The following EPHA5 variants were observed in gnomAD, a reference collection of about 807,000 sequenced individuals.
EPHA5 encodes the protein ephrin type-A receptor 5.
A neutral mutation model predicts 105.0 loss-of-function variants in EPHA5; 60 were observed. That is an observed-to-expected ratio of 0.57 (90% CI 0.46 to 0.71). EPHA5 has a LOEUF of 0.71. Among genes scored for constraint, EPHA5 ranks in the 30% least tolerant of loss-of-function variants. The pLI is 0.00. For missense variants in EPHA5, 1,218 were observed against 1,274.7 expected, an observed-to-expected ratio of 0.96 and a Z score of 0.68; for synonymous variants, 513 against 449.1, an observed-to-expected ratio of 1.14 and a Z score of -1.80.
intron 5 of EPHA5, among the ~76,000 whole-genome samples, chr4:65,448,953 C>T (rs73222124): frequency 0.16 from 23,595 of 152,002 alleles, 1,980 homozygotes; most frequent in East Asian, 0.19. Flanking sequence ...ATGACCATAT[C>T]TTTATATCAC....
rs1205102695 is a variant in EPHA5 at position 65,322,635 on chromosome 4, G to A, written c.*1479C>T. 8.9e-6 allele frequency: 2 copies of A among 224,834 alleles called. No homozygotes were observed. Among genetic ancestry groups the A allele is most frequent in the East Asian group, 6.4e-5 (1 of 15,652 alleles). 13.9% of individuals were successfully genotyped at this position (224,834 alleles called of 1,614,324 possible). A position where few individuals can be genotyped will look rare whatever the true frequency, so the allele number is the denominator to read the frequency against. On this transcript the variant is annotated 3_prime_UTR_variant, in exon 17 of 17. Transcript: ENST00000613740. ...GTCTTCATCATGTGTGGTATATAGA[G>A]CATACATAGAAGATATGTTATATTC...
intron 5 of EPHA5, among the ~76,000 whole-genome samples, chr4:65,446,975 A>ATTTTTTTTTTTTT (rs397993760): frequency 6.2e-5 from 7 of 112,914 alleles, no homozygotes; most frequent in Non-Finnish European, 1.1e-4. Context: ...TTAAAAGCTC[A>ATTTTTTTTTTTTT]TTTTTTTTTT....
At chr4:65,546,528 G>C (rs4860685) in intron 3 of EPHA5, among the ~76,000 whole-genome samples, 132,740 of 152,058 alleles carry the variant, frequency 0.87, 58,066 homozygotes, top group Admixed American at 0.9. Context: ...TTCTCAAATA[G>C]TTTTCTCTGT....
At chr4:65,523,095 A>G (rs1037002411) in intron 3 of EPHA5, among the ~76,000 whole-genome samples, 7 of 151,928 alleles carry the variant, frequency 4.6e-5, no homozygotes, top group African/African-American at 1.4e-4. Flanking sequence ...GTCACACAGC[A>G]CTGGTGGTTA....
At chr4:65,537,955 C>T (rs2149315456) in intron 3 of EPHA5, among the ~76,000 whole-genome samples, 1 of 151,850 alleles carries the variant, frequency 6.6e-6, no homozygotes, top group African/African-American at 2.4e-5. Flanking sequence ...TGAACACACA[C>T]AGTCACCTAT....
At chr4:65,571,283 C>A (rs1740148528) in intron 3 of EPHA5, among the ~76,000 whole-genome samples, 1 of 150,524 alleles carries the variant, frequency 6.6e-6, no homozygotes. Context: ...CAATATGGCC[C>A]ACTCACTAGT....
intron 5 of EPHA5, among the ~76,000 whole-genome samples, chr4:65,462,945 T>C (rs1237852459): frequency 1.3e-5 from 2 of 152,168 alleles, no homozygotes; most frequent in African/African-American, 2.4e-5. Flanking sequence ...CAGAATGACA[T>C]AAACTCTTTA....
intron 7 of EPHA5, among the ~76,000 whole-genome samples, chr4:65,409,759 C>A (rs566101959): frequency 3.3e-5 from 5 of 152,090 alleles, no homozygotes; most frequent in Non-Finnish European, 5.9e-5. Context: ...TATGTAGAAT[C>A]AGTGGAAACA....
In EPHA5 at chr4:65,583,210, A is replaced by G. The variant is rs567724982; in HGVS notation, c.910+18431T>C. On this transcript the variant is annotated intron_variant, in intron 3 of 16. Transcript: ENST00000613740. ...TCTAAGGAGAGAGGAAATTAATAAT[A>G]TAGAAAGAAAATTATAAAATCAACA... Among the ~76,000 whole-genome samples, 360 of 151,798 alleles carry G rather than the reference A, an allele frequency of 2.4e-3. 8 individuals carry two copies. The highest frequency in any genetic ancestry group is 2.7e-4 in the Non-Finnish European group (18 of 67,692).
intron 16 of EPHA5, chr4:65,331,297 C>T (rs1056031828): frequency 9.7e-7 from 1 of 1,032,990 alleles, no homozygotes; most frequent in Non-Finnish European, 1.2e-6. Flanking sequence ...TAATAAAATA[C>T]AAACAACTTA....
At chr4:65,458,110 T>A (rs890424915) in intron 5 of EPHA5, among the ~76,000 whole-genome samples, 7 of 151,138 alleles carry the variant, frequency 4.6e-5, no homozygotes, top group African/African-American at 1.7e-4. Flanking sequence ...AGTACCTTTT[T>A]TGAAGGAAGT....
At chr4:65,421,853 A>G (rs1015238796) in intron 5 of EPHA5, among the ~76,000 whole-genome samples, 1 of 152,118 alleles carries the variant, frequency 6.6e-6, no homozygotes, top group African/African-American at 2.4e-5. Flanking sequence ...GGATGAATGA[A>G]TGGCAAATTC....
rs1212803389 is a variant in EPHA5 at position 65,554,218 on chromosome 4, CT to C, written c.910+47422del. Reference sequence around the variant, plus strand: ...AGAGTTCCACATTTTCACTTGAAAGCTTATATATAAAACATGAATATACTTA... The same window carrying C: ...AGAGTTCCACATTTTCACTTGAAAGCTATATATAAAACATGAATATACTTA... On this transcript the variant is annotated intron_variant, in intron 3 of 16. Coordinates refer to ENST00000613740, the MANE Select transcript of EPHA5 (RefSeq NM_001281766.3). 6.2e-4 allele frequency among the ~76,000 whole-genome samples: 92 copies of C among 148,972 alleles called. No individual in the cohort carries two copies. The Middle Eastern group carries it at 0.011, about 17-fold the overall frequency.
chr4:65,526,479 A>T (rs1347910852), intron 3 of EPHA5, among the ~76,000 whole-genome samples: 3 of 151,726 alleles, frequency 2.0e-5, no homozygotes, highest in African/African-American at 4.8e-5. Context: ...ATTTGATTTC[A>T]TTGAATTATC....
intron 8 of EPHA5, among the ~76,000 whole-genome samples, chr4:65,387,660 G>T (rs1720241319): frequency 6.6e-6 from 1 of 151,808 alleles, no homozygotes; most frequent in Admixed American, 6.6e-5. Context: ...GTTTGGAACA[G>T]GTAGAACAGG....
chr4:65,456,220 T>C (rs1320939021), intron 5 of EPHA5, among the ~76,000 whole-genome samples: 1 of 152,174 alleles, frequency 6.6e-6, no homozygotes, highest in Admixed American at 6.5e-5. Flanking sequence ...AAGGAATTTC[T>C]ATTGCAGAGG....
intron 3 of EPHA5, among the ~76,000 whole-genome samples, chr4:65,585,545 A>G (rs1052658163): frequency 1.2e-4 from 19 of 152,028 alleles, no homozygotes; most frequent in African/African-American, 4.6e-4. Flanking sequence ...TAACTTTATT[A>G]GTAGAAAAGC....
intron 3 of EPHA5, chr4:65,574,162 A>G (rs1303368628): frequency 6.2e-7 from 1 of 1,606,926 alleles, no homozygotes; most frequent in African/African-American, 1.3e-5. Context: ...GAGATCTTCG[A>G]CACAGAAAAA....
At chr4:65,644,591 C>A (rs1381182283) in intron 1 of EPHA5, among the ~76,000 whole-genome samples, 1 of 151,962 alleles carries the variant, frequency 6.6e-6, no homozygotes, top group Non-Finnish European at 1.5e-5. Context: ...AGTTGATAGG[C>A]TGGGATGTGT....
Sources: allele counts gnomAD v4.1 joint callset (sites outside exome capture counted in the v4.1 genomes callset), GRCh38; gene constraint gnomAD v4.1.1; transcripts MANE v1.5; gene names NCBI Gene and HGNC (gene_info 2026-07-23, HGNC 2026-07-21).